The following SDCCAG8 variants were observed in gnomAD, a reference collection of about 807,000 sequenced individuals.
SDCCAG8 encodes serologically defined colon cancer antigen 8.
In SDCCAG8, 74 loss-of-function variants were observed where a neutral mutation model predicts 101.8. The ratio of observed to expected loss-of-function variants is 0.73; its 90% CI spans 0.60 to 0.88. The LOEUF (loss-of-function observed/expected upper bound fraction) is 0.88, where lower values mean the gene tolerates loss of function less well. Ranked by LOEUF, SDCCAG8 falls within the 40% of genes least tolerant of loss-of-function variation. The pLI is 0.00. For synonymous variants in SDCCAG8, 281 were observed against 292.9 expected, an observed-to-expected ratio of 0.96 and a Z score of 0.41; for missense variants, 787 against 822.6, an observed-to-expected ratio of 0.96 and a Z score of 0.53.
chr1:243,483,846 C>G (rs1173015451), intron 16 of SDCCAG8, among the ~76,000 whole-genome samples: 1 of 152,222 alleles, frequency 6.6e-6, no homozygotes, highest in Non-Finnish European at 1.5e-5. Flanking sequence ...TATCCTGGGG[C>G]GAGCCCTTCC....
At chr1:243,459,338 G>A (rs1472058360) in intron 16 of SDCCAG8, among the ~76,000 whole-genome samples, 2 of 152,172 alleles carry the variant, frequency 1.3e-5, no homozygotes, top group Admixed American at 6.5e-5. Flanking sequence ...CTCACTGAAA[G>A]TTCATAGTAT....
intron 13 of SDCCAG8, among the ~76,000 whole-genome samples, chr1:243,384,233 G>A (rs77825115): frequency 0.02 from 2,979 of 152,242 alleles, 102 homozygotes; most frequent in African/African-American, 0.068. Context: ...CAGAGCCCCT[G>A]GCTCATCACT....
chr1:243,408,846 C>T (rs1283505559), intron 13 of SDCCAG8, among the ~76,000 whole-genome samples: 1 of 152,160 alleles, frequency 6.6e-6, no homozygotes, highest in Non-Finnish European at 1.5e-5. Flanking sequence ...AAGACCTTAG[C>T]TTATGTGTAA....
chr1:243,432,251 G>A (rs1574009499), intron 16 of SDCCAG8, among the ~76,000 whole-genome samples: 1 of 152,024 alleles, frequency 6.6e-6, no homozygotes, highest in African/African-American at 2.4e-5. Context: ...TGGAGCTGGA[G>A]GCTATTATTC....
intron 9 of SDCCAG8, among the ~76,000 whole-genome samples, chr1:243,325,094 T>C (rs2074052334): frequency 6.6e-6 from 1 of 152,338 alleles, no homozygotes; most frequent in Non-Finnish European, 1.5e-5. Flanking sequence ...CACAGTTTTC[T>C]CCACCAGAAG....
chr1:243,346,823 T>C (rs375904928), intron 12 of SDCCAG8, among the ~76,000 whole-genome samples: 2 of 152,178 alleles, frequency 1.3e-5, no homozygotes, highest in East Asian at 3.8e-4. Context: ...ATGTGAAATA[T>C]GCTCTTTGAT....
intron 12 of SDCCAG8, among the ~76,000 whole-genome samples, chr1:243,357,054 G>A (rs1308490287): frequency 6.6e-6 from 1 of 151,956 alleles, no homozygotes. Flanking sequence ...TTCAGAAGAT[G>A]CTTCTTACCC....
At chr1:243,498,897 T>A (rs908980861) in intron 17 of SDCCAG8, among the ~76,000 whole-genome samples, 2 of 152,218 alleles carry the variant, frequency 1.3e-5, no homozygotes, top group African/African-American at 4.8e-5. Context: ...TTATCTGACG[T>A]AGAAACCGGG....
intron 13 of SDCCAG8, among the ~76,000 whole-genome samples, chr1:243,386,768 T>TGAGAGAGAGAGAGAGAGAGAGA (rs112662776): frequency 4.2e-5 from 6 of 143,372 alleles, no homozygotes; most frequent in African/African-American, 1.5e-4. Flanking sequence ...AGAAAGAAAG[T>TGAGAGAGAGAGAGAGAGAGAGA]GAGAGAGAGA....
chr1:243,390,344 G>A (rs1047930860), intron 13 of SDCCAG8, among the ~76,000 whole-genome samples: 33 of 152,118 alleles, frequency 2.2e-4, no homozygotes, highest in Non-Finnish European at 4.0e-4. Context: ...TTTAAATTGC[G>A]TCCTCTTTTC....
At position 243,308,125 on chromosome 1, in the gene SDCCAG8, C is replaced by G. The variant is rs753709683; in HGVS notation, c.877C>G (p.Leu293Val). The G allele has an allele frequency of 1.2e-6, 2 of 1,614,160 alleles. No homozygotes were observed. Among genetic ancestry groups the G allele is most frequent in the South Asian group, 1.1e-5 (1 of 91,076 alleles). ...CLKCAQHEAV[L>V]SQTHTNVHMQ... ...GAAATGTGCTCAGCATGAAGCTGTT[C>G]TTTCCCAAACCCATACTAATGTTCA... The change falls in exon 8 of 18, where the codon CTT (leucine) becomes GTT (valine). Residue 293 changes from leucine to valine, a missense_variant. Transcript: ENST00000366541.
In SDCCAG8 at chr1:243,298,345, C is replaced by A. The variant is rs149097301; in HGVS notation, c.675+5126C>A. The stretch of plus-strand genomic sequence containing the variant: ...GGATTACAGGCATGAGCCACCGCAC[C>A]CTGCCTTTTTTTTTTTTTTTTTTTT... On this transcript the variant is annotated intron_variant, in intron 6 of 17. Transcript: ENST00000366541. Among the ~76,000 whole-genome samples the A allele has an allele frequency of 8.7e-3, 1,210 of 139,804 alleles. 47 individuals are homozygous for A. In the East Asian group the frequency reaches 0.092, roughly 11 times the overall value. 91.7% of individuals were successfully genotyped at this position (139,804 alleles called of 152,430 possible).
intron 1 of SDCCAG8, among the ~76,000 whole-genome samples, chr1:243,258,593 C>T (rs1416658037): frequency 1.3e-5 from 2 of 152,080 alleles, no homozygotes; most frequent in East Asian, 1.9e-4. Flanking sequence ...TTAGTAGAGA[C>T]TGGGTTTCGC....
At chr1:243,362,386 TG>T (rs373154085) in intron 12 of SDCCAG8, among the ~76,000 whole-genome samples, 2 of 152,214 alleles carry the variant, frequency 1.3e-5, no homozygotes, top group Non-Finnish European at 2.9e-5. Context: ...AGTAACTGGA[TG>T]GATAGGTAGG....
At chr1:243,267,658 A>G (rs996758327) in intron 1 of SDCCAG8, 3 of 759,046 alleles carry the variant, frequency 4.0e-6, no homozygotes, top group Non-Finnish European at 7.3e-6. Flanking sequence ...ACACTTACAC[A>G]CACTTAGGCT....
intron 6 of SDCCAG8, among the ~76,000 whole-genome samples, chr1:243,299,283 G>T (rs568855422): frequency 1.1e-3 from 168 of 152,256 alleles, no homozygotes; most frequent in African/African-American, 4.0e-3. Context: ...ATTAGTGTTA[G>T]CATGGTATAT....
intron 12 of SDCCAG8, among the ~76,000 whole-genome samples, chr1:243,349,810 G>A (rs2075980042): frequency 6.6e-6 from 1 of 151,846 alleles, no homozygotes; most frequent in Non-Finnish European, 1.5e-5. Context: ...GAGATAAGAA[G>A]GCTGATATAG....
chr1:243,321,654 A>C (rs1358537722), intron 9 of SDCCAG8, among the ~76,000 whole-genome samples: 1 of 151,742 alleles, frequency 6.6e-6, no homozygotes, highest in Admixed American at 6.6e-5. Context: ...AGTTGATTCC[A>C]TGTCTTTTTT....
At chr1:243,326,931 C>G (rs929884773) in intron 9 of SDCCAG8, among the ~76,000 whole-genome samples, 1 of 152,044 alleles carries the variant, frequency 6.6e-6, no homozygotes, top group Non-Finnish European at 1.5e-5. Context: ...TTAATAAAAC[C>G]AGGACTGGGA....
Sources: gnomAD v4.1 joint callset for allele counts (sites outside exome capture counted in the v4.1 genomes callset) on GRCh38, gnomAD v4.1.1 for gene constraint, MANE v1.5 for transcripts, NCBI Gene and HGNC (gene_info 2026-07-23, HGNC 2026-07-21) for gene names.